Variants in CPLX1 observed in about 807,000 individuals in gnomAD.
CPLX1 encodes complexin-1.
Under a neutral mutation model 15.6 loss-of-function variants are expected in CPLX1, and 6 were observed. The observed-to-expected ratio is 0.39, with a 90% CI of 0.21 to 0.76. The LOEUF (loss-of-function observed/expected upper bound fraction) is 0.76. CPLX1 is among the 30% of genes least tolerant of loss of function. The probability of loss-of-function intolerance (pLI) is 0.43; values close to 1 mark genes in which losing one functional copy is unlikely to be tolerated. For missense variants in CPLX1, 242 were observed against 188.6 expected (o/e 1.28, Z -1.66); for synonymous variants, 91 against 75.2 (o/e 1.21, Z -1.08).
intron 2 of CPLX1, 64 bp from the exon 3 acceptor site, chr4:792,672 A>C: frequency 6.6e-6 from 10 of 1,524,532 alleles, no homozygotes; most frequent in South Asian, 1.2e-5. Context: ...CTAGTGTCTC[A>C]GCCACACTCC....
At position 786,698 on chromosome 4, in the gene CPLX1, A is replaced by T; in HGVS notation, c.208T>A (p.Tyr70Asn). The change falls in exon 4 of 4, where the codon TAC (tyrosine) becomes AAC (asparagine). Residue 70 changes from tyrosine to asparagine, a missense_variant and splice_region_variant. Physicochemically the swap from Tyr to Asn is moderately radical, Grantham distance 143. Coordinates refer to ENST00000304062, the MANE Select transcript of CPLX1 (RefSeq NM_006651.4). ...EAVRQGIRDKYGIKKKEEREA... is the reference protein window; with the variant it reads ...EAVRQGIRDKNGIKKKEEREA... ...CGCTCCTCCTTCTTCTTGATGCCGT[A>T]CTGCGGGGGAGGCGGGGGTCAGGGC... 6.3e-7 allele frequency: 1 copy of T among 1,591,970 alleles called. No individual in the cohort carries two copies. The highest frequency in any genetic ancestry group is 8.6e-7 in the Non-Finnish European group (1 of 1,167,426).
chr4:813,264 CAAAAAAAA>C (rs397881229), intron 2 of CPLX1, among the ~76,000 whole-genome samples: 3 of 93,108 alleles, frequency 3.2e-5, no homozygotes, highest in African/African-American at 7.8e-5. Flanking sequence ...GACTCTGTCT[CAAAAAAAA>C]AAAAAAAAAA....
chr4:800,644 T>C (rs545758539), intron 2 of CPLX1, among the ~76,000 whole-genome samples: 28 of 144,712 alleles, frequency 1.9e-4, no homozygotes, highest in African/African-American at 6.9e-4. Flanking sequence ...CCCAGCACTT[T>C]GGGAGGCCAA....
At chr4:801,303 C>T (rs1298801602) in intron 2 of CPLX1, among the ~76,000 whole-genome samples, 1 of 151,678 alleles carries the variant, frequency 6.6e-6, no homozygotes, top group Non-Finnish European at 1.5e-5. Flanking sequence ...GTCTGGGTGA[C>T]AGAGCGAGAC....
chr4:818,744 C>G (rs1333856497), intron 2 of CPLX1, among the ~76,000 whole-genome samples: 2 of 152,384 alleles, frequency 1.3e-5, no homozygotes, highest in Non-Finnish European at 2.9e-5. Flanking sequence ...CTTATTGGCA[C>G]GTCCACCTCG....
At chr4:800,328 A>C (rs1746424913) in intron 2 of CPLX1, among the ~76,000 whole-genome samples, 1 of 152,130 alleles carries the variant, frequency 6.6e-6, no homozygotes, top group Admixed American at 6.6e-5. Context: ...TATATTTGCA[A>C]ACCACACATC....
At chr4:787,747 T>C (rs988505159) in intron 3 of CPLX1, 36 of 985,140 alleles carry the variant, frequency 3.7e-5, no homozygotes, top group Non-Finnish European at 6.0e-6. Flanking sequence ...TTTTGGTTTC[T>C]AGATCAATAC....
At chr4:793,673 G>A (rs553259866) in intron 2 of CPLX1, among the ~76,000 whole-genome samples, 8 of 152,268 alleles carry the variant, frequency 5.3e-5, no homozygotes, top group South Asian at 2.1e-4. Flanking sequence ...GACCAGCCTC[G>A]TGTGTGTGAG....
intron 2 of CPLX1, among the ~76,000 whole-genome samples, chr4:797,624 C>A (rs1746368175): frequency 6.7e-6 from 1 of 149,956 alleles, no homozygotes; most frequent in African/African-American, 2.4e-5. Flanking sequence ...CTGAGCCTGG[C>A]CACAACCTGA....
At chr4:821,445 T>C (rs917135304) in intron 2 of CPLX1, among the ~76,000 whole-genome samples, 1 of 152,156 alleles carries the variant, frequency 6.6e-6, no homozygotes, top group Non-Finnish European at 1.5e-5. Flanking sequence ...CCCGAGGACC[T>C]GAGCGTGTTT....
At chr4:817,879 T>C (rs1239657676) in intron 2 of CPLX1, among the ~76,000 whole-genome samples, 1 of 152,142 alleles carries the variant, frequency 6.6e-6, no homozygotes, top group South Asian at 2.1e-4. Context: ...GTGGGCACGC[T>C]GGACATAGTA....
At chr4:787,129 C>G in intron 3 of CPLX1, 3 of 985,398 alleles carry the variant, frequency 3.0e-6, no homozygotes, top group Non-Finnish European at 3.6e-6. Flanking sequence ...GTGCCTGGTC[C>G]ACGACCTGCA....
chr4:794,606 G>A (rs948082560), intron 2 of CPLX1, among the ~76,000 whole-genome samples: 2 of 152,164 alleles, frequency 1.3e-5, no homozygotes, highest in African/African-American at 4.8e-5. Flanking sequence ...AGGTGTGTGG[G>A]GGAGGCAAGG....
chr4:824,509 A>G lies in CPLX1; in HGVS notation c.14T>C (p.Met5Thr). 6.2e-7 allele frequency: 1 copy of G among 1,612,760 alleles called. No individual in the cohort carries two copies. Among genetic ancestry groups the G allele is most frequent in the South Asian group, 1.1e-5 (1 of 91,082 alleles). The change falls in exon 2 of 4, where the codon ATG becomes ACG. Residue 5 changes from methionine (M) to threonine (T), a missense_variant. Transcript: ENST00000304062. The part of the protein sequence containing the change: MEFV[M>T]KQALGGATKD... ...CTTCCTACCTCCTAGAGCCTGCTTC[A>G]TCACAAACTCCATGGCGATTGCTCT...
At chr4:813,030 G>A (rs946227228) in intron 2 of CPLX1, among the ~76,000 whole-genome samples, 2 of 152,114 alleles carry the variant, frequency 1.3e-5, no homozygotes, top group Non-Finnish European at 1.5e-5. Flanking sequence ...ACTTTGGGAG[G>A]CCGAGGCAGG....
intron 2 of CPLX1, among the ~76,000 whole-genome samples, chr4:795,293 G>A (rs1162901837): frequency 6.6e-6 from 1 of 152,362 alleles, no homozygotes; most frequent in Non-Finnish European, 1.5e-5. Context: ...CCGGAGCGGC[G>A]AGACCGGCGC....
At chr4:786,898 TG>T (rs1746011385) in intron 3 of CPLX1, 200 bp from the exon 4 acceptor site, 1 of 982,136 alleles carries the variant, frequency 1.0e-6, no homozygotes, top group Non-Finnish European at 1.2e-6. Flanking sequence ...CCACGGAGAA[TG>T]GGGGCCAGGA....
At chr4:801,836 A>C (rs941790628) in intron 2 of CPLX1, among the ~76,000 whole-genome samples, 2 of 152,268 alleles carry the variant, frequency 1.3e-5, no homozygotes, top group South Asian at 2.1e-4. Flanking sequence ...GGGAATTCAA[A>C]CTTAAATCAC....
chr4:792,266 C>T (rs1746200094), intron 3 of CPLX1, among the ~76,000 whole-genome samples, 167 bp downstream of exon 3: 1 of 152,170 alleles, frequency 6.6e-6, no homozygotes. Context: ...GAGCCCAACC[C>T]GGAGCCCCCA....
Sources: allele counts gnomAD v4.1 joint callset (sites outside exome capture counted in the v4.1 genomes callset), GRCh38; gene constraint gnomAD v4.1.1; transcripts MANE v1.5; gene names NCBI Gene and HGNC (gene_info 2026-07-23, HGNC 2026-07-21).